Variants in HMCES observed in about 807,000 individuals in gnomAD.
HMCES encodes the protein abasic site processing protein HMCES.
Under a neutral mutation model 35.1 loss-of-function variants are expected in HMCES, and 27 were observed. The ratio of observed to expected loss-of-function variants is 0.77; its 90% CI spans 0.57 to 1.06. HMCES has a LOEUF of 1.06. HMCES is among the 50% of genes least tolerant of loss of function. HMCES has a pLI of 0.00. For synonymous variants in HMCES, 130 were observed against 154.7 expected, an observed-to-expected ratio of 0.84 and a Z score of 1.18; for missense variants, 391 against 430.4, an observed-to-expected ratio of 0.91 and a Z score of 0.81.
At chr3:129,282,233 G>A (rs775625476) in intron 2 of HMCES, among the ~76,000 whole-genome samples, 4 of 147,704 alleles carry the variant, frequency 2.7e-5, no homozygotes, top group Non-Finnish European at 4.4e-5. Flanking sequence ...GCTGAGGCCA[G>A]AGAATTGCTT....
chr3:129,279,610 G>A lies in HMCES; in HGVS notation c.-23-100G>A. The A allele has an allele frequency of 1.7e-6, 2 of 1,192,226 alleles. No homozygotes were observed. Among genetic ancestry groups the A allele is most frequent in the Non-Finnish European group, 2.4e-6 (2 of 845,658 alleles). The allele number at this position is 1,192,226 out of a possible 1,614,324, so 73.9% of individuals were successfully genotyped here. A position where few individuals can be genotyped will look rare whatever the true frequency, so the allele number is the denominator to read the frequency against. On this transcript the variant is annotated intron_variant, in intron 1 of 6. Coordinates refer to ENST00000383463, the MANE Select transcript of HMCES (RefSeq NM_020187.3). This position sits in a 1 kb window ranked among gnomAD's most constrained non-coding sequence, Gnocchi z 4.2. Reference sequence around the variant, plus strand: ...GACTTTAGACGGTGGTCACGGAGGGGCACGGCCCTGTGGGAACGGAAAGAG... The same window carrying A: ...GACTTTAGACGGTGGTCACGGAGGGACACGGCCCTGTGGGAACGGAAAGAG...
intron 2 of HMCES, among the ~76,000 whole-genome samples, chr3:129,282,398 T>G (rs1467259969): frequency 2.6e-5 from 4 of 151,752 alleles, no homozygotes; most frequent in African/African-American, 7.3e-5. Flanking sequence ...GATAGAAGTA[T>G]ACATAGATTA....
In HMCES at chr3:129,279,297, G is replaced by A. The variant is rs1391409608; in HGVS notation, c.-24+392G>A. 5.4e-6 allele frequency: 1 copy of A among 185,802 alleles called. No homozygotes were observed. The highest frequency in any genetic ancestry group is 1.9e-4 in the East Asian group (1 of 5,268). 11.5% of individuals were successfully genotyped at this position (185,802 alleles called of 1,614,324 possible). ...CGGGCCGTCCAGTGGCCGCCCTCGA[G>A]GTGACCGGTTGCTGGCCGGCGTGGG... On this transcript the variant is annotated intron_variant, in intron 1 of 6. Transcript: ENST00000383463. This position sits in a 1 kb window ranked among gnomAD's most constrained non-coding sequence, Gnocchi z 4.2.
intron 5 of HMCES, among the ~76,000 whole-genome samples, chr3:129,301,457 A>T (rs1483151504): frequency 2.0e-5 from 3 of 152,198 alleles, no homozygotes; most frequent in Non-Finnish European, 4.4e-5. Context: ...GGGACATAAA[A>T]CTGGAAGCTA....
chr3:129,283,817 C>T (rs148817241), intron 2 of HMCES, among the ~76,000 whole-genome samples: 22 of 152,108 alleles, frequency 1.4e-4, no homozygotes, highest in African/African-American at 4.3e-4. Flanking sequence ...GCAACAAGAG[C>T]GAAACTCTGT....
At chr3:129,300,564 ACCTGCTTTAG>A (rs1379796751) in intron 5 of HMCES, among the ~76,000 whole-genome samples, 1 of 152,166 alleles carries the variant, frequency 6.6e-6, no homozygotes, top group African/African-American at 2.4e-5. Flanking sequence ...TGTCAGGATT[ACCTGCTTTAG>A]CCTTGTCCTA....
At chr3:129,298,315 G>A (rs149009921) in intron 4 of HMCES, 39 bp from the exon 5 acceptor site, 10 of 1,591,476 alleles carry the variant, frequency 6.3e-6, no homozygotes, top group Middle Eastern at 1.7e-4. Context: ...GAAGAAGTCT[G>A]CTGAGTGCAT....
intron 4 of HMCES, among the ~76,000 whole-genome samples, chr3:129,294,670 A>T (rs2071070258): frequency 6.6e-6 from 1 of 152,214 alleles, no homozygotes; most frequent in Non-Finnish European, 1.5e-5. Flanking sequence ...GGTAAAAAAT[A>T]AGAAAAGTCT....
At chr3:129,282,622 C>T (rs1481214108) in intron 2 of HMCES, among the ~76,000 whole-genome samples, 2 of 152,136 alleles carry the variant, frequency 1.3e-5, no homozygotes, top group African/African-American at 4.8e-5. Flanking sequence ...GCTATGGTTT[C>T]TTAATTTTGA....
At chr3:129,299,505 A>G (rs2071134230) in intron 5 of HMCES, among the ~76,000 whole-genome samples, 1 of 152,194 alleles carries the variant, frequency 6.6e-6, no homozygotes. Context: ...TCCCAATAGC[A>G]GAAAGCTTTG....
At chr3:129,282,043 T>C (rs1940507515) in intron 2 of HMCES, among the ~76,000 whole-genome samples, 1 of 152,180 alleles carries the variant, frequency 6.6e-6, no homozygotes. Flanking sequence ...TGAAACTTTT[T>C]GTTTTAAATG....
At chr3:129,289,825 G>A (rs1352996666) in intron 3 of HMCES, among the ~76,000 whole-genome samples, 1 of 152,166 alleles carries the variant, frequency 6.6e-6, no homozygotes, top group Admixed American at 6.5e-5. Flanking sequence ...TAGAAAAGAG[G>A]TGATTGCTTT....
chr3:129,279,460 G>A lies in HMCES; in HGVS notation c.-23-250G>A, dbSNP rs550933983. On this transcript the variant is annotated intron_variant, in intron 1 of 6. Coordinates refer to ENST00000383463, the MANE Select transcript of HMCES (RefSeq NM_020187.3). This position sits in a 1 kb window ranked among gnomAD's most constrained non-coding sequence, Gnocchi z 4.2. ...CCCCCTCCGCTGCGGCTCTTCCTGCGCTCAGGCAGGCATTTGCAGAGCTCC... is the reference window on the plus strand; with the variant it reads ...CCCCCTCCGCTGCGGCTCTTCCTGCACTCAGGCAGGCATTTGCAGAGCTCC... Among the ~76,000 whole-genome samples, 2 of 152,334 alleles carry A rather than the reference G, an allele frequency of 1.3e-5. No individual in the cohort carries two copies. The highest frequency in any genetic ancestry group is 2.9e-5 in the Non-Finnish European group (2 of 68,028).
intron 4 of HMCES, among the ~76,000 whole-genome samples, chr3:129,293,643 T>G (rs1478279526): frequency 1.4e-5 from 2 of 144,380 alleles, no homozygotes; most frequent in African/African-American, 2.5e-5. Context: ...TGGTCTTAGC[T>G]CACTGCAACC....
chr3:129,300,619 A>G (rs7624020), intron 5 of HMCES, among the ~76,000 whole-genome samples: 37,519 of 152,018 alleles, frequency 0.25, 7,727 homozygotes, highest in African/African-American at 0.56. Context: ...TCATGTGGCC[A>G]GGCGCAGTGG....
At chr3:129,301,711 A>G (rs1440738809) in intron 5 of HMCES, among the ~76,000 whole-genome samples, 1 of 152,198 alleles carries the variant, frequency 6.6e-6, no homozygotes, top group African/African-American at 2.4e-5. Flanking sequence ...ACACTAGACC[A>G]GTTAGTACTC....
chr3:129,282,284 CCT>C (rs373706721), intron 2 of HMCES, among the ~76,000 whole-genome samples: 450 of 132,670 alleles, frequency 3.4e-3, no homozygotes, highest in African/African-American at 0.016. Flanking sequence ...CAAATGAGAC[CCT>C]GTTTTTAACA....
chr3:129,297,382 C>CT (rs2107695969), intron 4 of HMCES, among the ~76,000 whole-genome samples: 1 of 152,136 alleles, frequency 6.6e-6, no homozygotes, highest in East Asian at 1.9e-4. Context: ...TACCTGATTC[C>CT]TAGGCGTGAC....
chr3:129,284,630 C>T (rs985411237), intron 2 of HMCES, among the ~76,000 whole-genome samples: 4 of 152,162 alleles, frequency 2.6e-5, no homozygotes, highest in Non-Finnish European at 4.4e-5. Flanking sequence ...ATTGGCCGGG[C>T]GCAGTGGCTC....
Sources: gnomAD v4.1 joint callset for allele counts (sites outside exome capture counted in the v4.1 genomes callset) on GRCh38, gnomAD v4.1.1 for gene constraint, Gnocchi (gnomAD v3.1) non-coding constraint, MANE v1.5 for transcripts, NCBI Gene and HGNC (gene_info 2026-07-23, HGNC 2026-07-21) for gene names.